The following SCARB2 variants were observed in gnomAD, a reference collection of about 807,000 sequenced individuals.
SCARB2 encodes the protein lysosome membrane protein 2.
SCARB2 carries 29 observed loss-of-function variants against 58.6 expected under a neutral mutation model. The observed-to-expected ratio is 0.49, with a 90% confidence interval of 0.37 to 0.67. SCARB2 has a LOEUF of 0.67. SCARB2 is among the 30% of genes least tolerant of loss of function. SCARB2 has a pLI of 0.00. For missense variants in SCARB2, 488 were observed against 578.5 expected, an observed-to-expected ratio of 0.84 and a Z score of 1.60; for synonymous variants, 195 against 210.1, an observed-to-expected ratio of 0.93 and a Z score of 0.62.
chr4:76,210,072 A>G (rs569056496), intron 1 of SCARB2, among the ~76,000 whole-genome samples: 2 of 152,350 alleles, frequency 1.3e-5, no homozygotes, highest in African/African-American at 2.4e-5. Flanking sequence ...AGCTTGTATA[A>G]TAAGTTTCAA....
At chr4:76,198,231 T>C (rs1732754407) in intron 1 of SCARB2, among the ~76,000 whole-genome samples, 1 of 152,250 alleles carries the variant, frequency 6.6e-6, no homozygotes, top group Admixed American at 6.5e-5. Flanking sequence ...ATCTCATTTA[T>C]TTGTTCATGT....
In SCARB2 at chr4:76,213,693, G is replaced by C; in HGVS notation, c.-150C>G. 3.4e-6 allele frequency: 2 copies of C among 581,748 alleles called. No homozygotes were observed. Among genetic ancestry groups the C allele is most frequent in the Non-Finnish European group, 5.8e-6 (2 of 343,986 alleles). 36.0% of individuals were successfully genotyped at this position (581,748 alleles called of 1,614,324 possible). ...GCGCACGGTTCGTGCGCGCAGCTCT[G>C]GGCTCCGCGGCCTGGCGAGCGCGGC... On this transcript the variant is annotated 5_prime_UTR_variant, in exon 1 of 12. Transcript: ENST00000264896.
intron 11 of SCARB2, chr4:76,162,182 C>T: frequency 1.5e-5 from 3 of 194,786 alleles, no homozygotes; most frequent in East Asian, 1.2e-4. Context: ...AAGACAATTT[C>T]AATGACTGCA....
At position 76,175,828 on chromosome 4, in the gene SCARB2, C is replaced by A; in HGVS notation, c.787G>T (p.Asp263Tyr). ...GDSFHPLITK[D>Y]EVLYVFPSDF... Reference sequence around the variant, plus strand: ...GATGGGAAGACATAAAGGACCTCATCTTTGGTTATTAGTGGGTGAAAAGAA... The same window carrying A: ...GATGGGAAGACATAAAGGACCTCATATTTGGTTATTAGTGGGTGAAAAGAA... Residue 263 changes from aspartate to tyrosine, a missense_variant, in exon 6 of 12, where the codon GAT becomes TAT. Coordinates refer to ENST00000264896, the MANE Select transcript of SCARB2 (RefSeq NM_005506.4). 1 of 1,614,016 alleles carries A rather than the reference C, an allele frequency of 6.2e-7. No individual in the cohort carries two copies. Among genetic ancestry groups the A allele is most frequent in the South Asian group, 1.1e-5 (1 of 91,076 alleles).
intron 1 of SCARB2, among the ~76,000 whole-genome samples, chr4:76,210,027 T>C (rs558701417): frequency 6.6e-6 from 1 of 152,216 alleles, no homozygotes; most frequent in Non-Finnish European, 1.5e-5. Context: ...TTAAAGGTCA[T>C]GGGATCTCAG....
intron 2 of SCARB2, among the ~76,000 whole-genome samples, chr4:76,182,171 A>C (rs1560711224): frequency 6.6e-6 from 1 of 152,090 alleles, no homozygotes; most frequent in Non-Finnish European, 1.5e-5. Flanking sequence ...GTGTTCAATA[A>C]ATTCCAGTGA....
chr4:76,218,617 T>C (rs939902739), upstream of SCARB2, among the ~76,000 whole-genome samples: 1 of 152,238 alleles, frequency 6.6e-6, no homozygotes, highest in African/African-American at 2.4e-5. Context: ...TTTGGGGTTA[T>C]GGGAAAATGA....
At chr4:76,225,744 A>C (rs992289611) in intron 1 of SCARB2, among the ~76,000 whole-genome samples, 5 of 152,218 alleles carry the variant, frequency 3.3e-5, no homozygotes, top group Non-Finnish European at 7.3e-5. Flanking sequence ...AACTCACTTG[A>C]TCATGGCATA....
chr4:76,185,679 G>C (rs1176103957), intron 2 of SCARB2, among the ~76,000 whole-genome samples: 1 of 152,148 alleles, frequency 6.6e-6, no homozygotes, highest in African/African-American at 2.4e-5. Context: ...ATTCCTCAGA[G>C]GTGTTTGATA....
upstream of SCARB2, chr4:76,214,036 T>TCCCAGCGCCCTGCACCGCAGG (rs1465270363): frequency 1.8e-5 from 5 of 283,672 alleles, no homozygotes; most frequent in Admixed American, 5.3e-5. Flanking sequence ...GCCTGGCCGC[T>TCCCAGCGCCCTGCACCGCAGG]CCCAGCGCCC....
chr4:76,205,054 A>G (rs1429082600), intron 1 of SCARB2, among the ~76,000 whole-genome samples: 1 of 152,186 alleles, frequency 6.6e-6, no homozygotes, highest in East Asian at 1.9e-4. Flanking sequence ...GGCCAGGCAC[A>G]GTGGCTCACG....
At position 76,213,560 on chromosome 4, in the gene SCARB2, G is replaced by C. The variant is rs200282963; in HGVS notation, c.-17C>G. On this transcript the variant is annotated 5_prime_UTR_variant, in exon 1 of 12. Coordinates refer to ENST00000264896, the MANE Select transcript of SCARB2 (RefSeq NM_005506.4). ...TCGGCCCATTCTGTGCGCCGCTCAC[G>C]GGCCGGGCCGGGCCGCACCCGCCAG... 143 of 1,580,658 alleles carry C rather than the reference G, an allele frequency of 9.0e-5. No homozygotes were observed. In the African/African-American group the frequency reaches 1.7e-3, roughly 19 times the overall value.
Position 76,166,627 on chromosome 4 carries a change from C to T in SCARB2, c.1188-326G>A, listed in dbSNP as rs190710259. 9.4e-6 allele frequency: 4 copies of T among 426,528 alleles called. No homozygotes were observed. The East Asian group carries it at 1.5e-4, about 16-fold the overall frequency. The allele number at this position is 426,528 out of a possible 1,614,324, so 26.4% of individuals were successfully genotyped here. A position where few individuals can be genotyped will look rare whatever the true frequency, so the allele number is the denominator to read the frequency against. ...CTCCTCAGAGTGTTTTGTAACTAGG[C>T]CACTGAAGTACTGTCTTTGCAACAA... On this transcript the variant is annotated intron_variant, in intron 9 of 11. Transcript: ENST00000264896.
rs1560721971 is a variant in SCARB2, at chr4:76,210,322, A to C, written c.117+3105T>G. On this transcript the variant is annotated intron_variant, in intron 1 of 11. Transcript: ENST00000264896. Reference sequence around the variant, plus strand: ...TCCAAGAAATCCTTAGGGACAGAAAAAAAATGTTTGATTCAGTTCTGCTGA... The same window carrying C: ...TCCAAGAAATCCTTAGGGACAGAAACAAAATGTTTGATTCAGTTCTGCTGA... 2.0e-5 allele frequency among the ~76,000 whole-genome samples: 3 copies of C among 152,322 alleles called. No individual in the cohort carries two copies. The South Asian group carries it at 6.2e-4, about 32-fold the overall frequency.
At chr4:76,165,602 T>A (rs1380736899) in intron 10 of SCARB2, 1 of 152,142 alleles carries the variant, frequency 6.6e-6, no homozygotes. Context: ...AAAAATATTA[T>A]CAGGCTGACA....
chr4:76,175,839 A>T lies in SCARB2; in HGVS notation c.776T>A (p.Leu259Gln). 2 of 1,614,060 alleles carry T rather than the reference A, an allele frequency of 1.2e-6. No individual in the cohort carries two copies. The highest frequency in any genetic ancestry group is 8.5e-7 in the Non-Finnish European group (1 of 1,180,002). ...ATAAAGGACCTCATCTTTGGTTATT[A>T]GTGGGTGAAAAGAATCTCCATCTGT... is the stretch of plus-strand genomic sequence containing the variant. The part of the protein sequence containing the change: ...NGTDGDSFHP[L>Q]ITKDEVLYVF... Residue 259 changes from leucine (L) to glutamine (Q), a missense_variant, in exon 6 of 12, where the codon CTA becomes CAA. Coordinates refer to ENST00000264896, the MANE Select transcript of SCARB2 (RefSeq NM_005506.4).
chr4:76,183,569 G>A (rs984716033), intron 2 of SCARB2, among the ~76,000 whole-genome samples: 4 of 151,908 alleles, frequency 2.6e-5, no homozygotes, highest in Admixed American at 6.6e-5. Flanking sequence ...CTGCAGGCTC[G>A]CTACTCTCCA....
intron 4 of SCARB2, among the ~76,000 whole-genome samples, chr4:76,177,466 A>G (rs1732276034): frequency 6.6e-6 from 1 of 152,248 alleles, no homozygotes; most frequent in African/African-American, 2.4e-5. Context: ...AGTTCTTAAC[A>G]AAGTTAAACA....
At chr4:76,205,885 C>T (rs950269155) in intron 1 of SCARB2, among the ~76,000 whole-genome samples, 5 of 152,146 alleles carry the variant, frequency 3.3e-5, no homozygotes, top group Non-Finnish European at 7.3e-5. Context: ...CTAAGAAACA[C>T]AACAGCACAT....
Sources: allele counts gnomAD v4.1 joint callset (sites outside exome capture counted in the v4.1 genomes callset), GRCh38; gene constraint gnomAD v4.1.1; transcripts MANE v1.5; gene names NCBI Gene and HGNC (gene_info 2026-07-23, HGNC 2026-07-21).